Variants in UTP20 observed in about 807,000 individuals in gnomAD.
The protein encoded by UTP20 is UTP20 small subunit processome component.
UTP20 carries 164 observed loss-of-function variants against 329.5 expected under a neutral mutation model. The ratio of observed to expected loss-of-function variants is 0.50; its 90% CI spans 0.44 to 0.57. The LOEUF (loss-of-function observed/expected upper bound fraction) is 0.57. Among genes scored for constraint, UTP20 ranks in the 20% least tolerant of loss-of-function variants. The pLI is 0.00. For synonymous variants in UTP20, 1,151 were observed against 1,159.3 expected (o/e 0.99, Z 0.14); for missense variants, 3,055 against 3,284.2 (o/e 0.93, Z 1.71).
At chr12:101,369,697 G>A in intron 48 of UTP20, 24 bp from the exon 49 acceptor site, 3 of 1,271,918 alleles carry the variant, frequency 2.4e-6, no homozygotes, top group Non-Finnish European at 3.4e-6. Flanking sequence ...ACAAGTTGGT[G>A]GTGTTTTGTT....
intron 27 of UTP20, among the ~76,000 whole-genome samples, chr12:101,329,996 TA>T (rs556922688): frequency 3.2e-3 from 400 of 125,430 alleles, no homozygotes; most frequent in Middle Eastern, 8.6e-3. Flanking sequence ...CTCTGCCTCT[TA>T]AAAAAAAAAA....
intron 40 of UTP20, among the ~76,000 whole-genome samples, chr12:101,353,361 G>C (rs1199537614): frequency 6.6e-6 from 1 of 152,158 alleles, no homozygotes; most frequent in African/African-American, 2.4e-5. Context: ...AATGTGAGCT[G>C]TAGATTATTT....
intron 15 of UTP20, among the ~76,000 whole-genome samples, chr12:101,304,761 GC>G (rs1426962240): frequency 6.6e-6 from 1 of 152,212 alleles, no homozygotes. Flanking sequence ...TGTCAGTAGT[GC>G]TACTGTAGAG....
chr12:101,294,709 A>G (rs1278020170), intron 11 of UTP20, among the ~76,000 whole-genome samples: 3 of 151,412 alleles, frequency 2.0e-5, no homozygotes, highest in African/African-American at 7.3e-5. Context: ...CGCCTGGCTA[A>G]TTTTTGTATT....
At chr12:101,295,809 A>T (rs1477658308) in intron 12 of UTP20, 151 bp downstream of exon 12, 4 of 788,634 alleles carry the variant, frequency 5.1e-6, no homozygotes, top group Admixed American at 3.1e-5. Context: ...AGCTACACAC[A>T]TAGTACGTAT....
chr12:101,290,455 C>T (rs1872104256), intron 7 of UTP20, among the ~76,000 whole-genome samples, 181 bp downstream of exon 7: 1 of 152,206 alleles, frequency 6.6e-6, no homozygotes, highest in Non-Finnish European at 1.5e-5. Context: ...ATGTTACTTA[C>T]AGAGCCATTG....
At chr12:101,341,954 A>G (rs562840395) in intron 32 of UTP20, among the ~76,000 whole-genome samples, 13 of 152,304 alleles carry the variant, frequency 8.5e-5, no homozygotes, top group South Asian at 4.1e-4. Context: ...AAAATGCAGT[A>G]TAACAACTAT....
chr12:101,373,506 G>C (rs1854248564), intron 53 of UTP20, 36 bp downstream of exon 53: 2 of 1,613,772 alleles, frequency 1.2e-6, no homozygotes, highest in Non-Finnish European at 1.7e-6. Context: ...CGTGACTCCT[G>C]GAAGTCCTCA....
At chr12:101,300,902 T>C (rs1175697684) in intron 14 of UTP20, among the ~76,000 whole-genome samples, 1 of 152,184 alleles carries the variant, frequency 6.6e-6, no homozygotes, top group Non-Finnish European at 1.5e-5. Context: ...TTTACCATTG[T>C]AGAAAATTCT....
chr12:101,364,743 G>C (rs951323361), intron 45 of UTP20, among the ~76,000 whole-genome samples: 2 of 152,180 alleles, frequency 1.3e-5, no homozygotes, highest in African/African-American at 4.8e-5. Flanking sequence ...TCTGGTGCTA[G>C]ATGAACTCCA....
intron 28 of UTP20, 141 bp downstream of exon 28, chr12:101,333,585 AG>A: frequency 9.0e-7 from 1 of 1,107,926 alleles, no homozygotes. Context: ...GGAAGTTTTT[AG>A]AACACTTTTC....
At chr12:101,302,864 T>G (rs929362888) in intron 15 of UTP20, among the ~76,000 whole-genome samples, 5 of 152,258 alleles carry the variant, frequency 3.3e-5, no homozygotes, top group African/African-American at 1.2e-4. Flanking sequence ...TTATAACTTC[T>G]TTAGTGGTTC....
intron 46 of UTP20, 63 bp from the exon 47 acceptor site, chr12:101,366,495 C>G: frequency 6.4e-7 from 1 of 1,552,134 alleles, no homozygotes; most frequent in Non-Finnish European, 8.7e-7. Context: ...AAGGGCCACT[C>G]TAACTTCTTG....
Position 101,363,658 on chromosome 12 carries a change from G to C in UTP20, c.5873G>C (p.Arg1958Thr). 6.2e-7 allele frequency: 1 copy of C among 1,614,000 alleles called. No homozygotes were observed. The highest frequency in any genetic ancestry group is 8.5e-7 in the Non-Finnish European group (1 of 1,179,882). Residue 1958 changes from arginine to threonine, a missense_variant, in exon 45 of 62, where the codon AGA becomes ACA. Transcript: ENST00000261637. ...CTCTCCAAAGTCATGGAAGCACGAA[G>C]AAGCAAAAGTTACGACTCTTATGAA... ...QILSKVMEAR[R>T]SKSYDSYEIL...
At chr12:101,370,401 T>A (rs769251665) in intron 49 of UTP20, 31 bp from the exon 50 acceptor site, 25 of 1,602,682 alleles carry the variant, frequency 1.6e-5, no homozygotes, top group Non-Finnish European at 2.0e-5. Context: ...TGGGATGTGC[T>A]GGCTGTTAAC....
Position 101,286,316 on chromosome 12 carries a change from T to G in UTP20, c.327-5T>G, listed in dbSNP as rs758421883. The G allele has an allele frequency of 1.9e-6, 3 of 1,563,638 alleles. No individual in the cohort carries two copies. The highest frequency in any genetic ancestry group is 2.6e-6 in the Non-Finnish European group (3 of 1,157,194). ...CATGATCAGTTGCTTCTTTTTTTAA[T>G]CCAGTTTGGTTGTACAGTTGGCACG... On this transcript the variant is annotated splice_polypyrimidine_tract_variant and splice_region_variant and intron_variant, in intron 4 of 61. Coordinates refer to ENST00000261637, the MANE Select transcript of UTP20 (RefSeq NM_014503.3).
intron 26 of UTP20, among the ~76,000 whole-genome samples, chr12:101,327,987 G>A (rs977118650): frequency 2.0e-5 from 3 of 152,180 alleles, no homozygotes; most frequent in African/African-American, 4.8e-5. Context: ...TTCACCCATC[G>A]TAACTCAGAT....
chr12:101,290,188 C>T lies in UTP20; in HGVS notation c.649C>T (p.His217Tyr). 6.2e-7 allele frequency: 1 copy of T among 1,608,176 alleles called. No individual in the cohort carries two copies. The highest frequency in any genetic ancestry group is 1.1e-5 in the South Asian group (1 of 89,664). The stretch of plus-strand genomic sequence containing the variant: ...TTTAATGTTTCTTGATCTTGATAAA[C>T]ATCCAGAAAAAGTTGAAGGTGTTGG... The part of the protein sequence containing the change: ...FNLMFLDLDK[H>Y]PEKVEGVGQL... Residue 217 changes from histidine to tyrosine, a missense_variant, in exon 7 of 62, where the codon CAT becomes TAT. Transcript: ENST00000261637.
At position 101,310,575 on chromosome 12, in the gene UTP20, C is replaced by T. The variant is rs200737250; in HGVS notation, c.2231+736C>T. On this transcript the variant is annotated intron_variant, in intron 19 of 61. Transcript: ENST00000261637. Reference sequence around the variant, plus strand: ...GGGCAACAAGAGTGAAACTCTGTCTCCCAAAAAAAAAAAAAAAAAAAAATA... The same window carrying T: ...GGGCAACAAGAGTGAAACTCTGTCTTCCAAAAAAAAAAAAAAAAAAAAATA... 1.8e-4 allele frequency among the ~76,000 whole-genome samples: 6 copies of T among 32,516 alleles called. No individual in the cohort carries two copies. The East Asian group carries it at 0.12, about 625-fold the overall frequency. The allele number at this position is 32,516 out of a possible 152,430, so 21.3% of individuals were successfully genotyped here.
Sources: gnomAD v4.1 joint callset for allele counts (sites outside exome capture counted in the v4.1 genomes callset) on GRCh38, gnomAD v4.1.1 for gene constraint, MANE v1.5 for transcripts, NCBI Gene and HGNC (gene_info 2026-07-23, HGNC 2026-07-21) for gene names.